DLG2: variants seen among roughly 807,000 people sequenced by gnomAD.
DLG2 encodes disks large homolog 2.
In DLG2, 45 loss-of-function variants were observed where a neutral mutation model predicts 132.5. The ratio of observed to expected loss-of-function variants is 0.34; its 90% CI spans 0.27 to 0.44. DLG2 has a LOEUF of 0.44. Ranked by LOEUF, DLG2 falls within the 20% of genes least tolerant of loss-of-function variation. The pLI, the probability that DLG2 is intolerant of heterozygous loss-of-function variation, is 1.00. For missense variants in DLG2, 1,045 were observed against 1,196.9 expected (o/e 0.87, Z 1.87); for synonymous variants, 424 against 419.6 (o/e 1.01, Z -0.13).
intron 12 of DLG2, among the ~76,000 whole-genome samples, chr11:83,977,678 G>A (rs2092394906): frequency 6.6e-6 from 1 of 152,160 alleles, no homozygotes; most frequent in Non-Finnish European, 1.5e-5. Flanking sequence ...CACAAGCTAG[G>A]TTATTTCTAG....
intron 6 of DLG2, among the ~76,000 whole-genome samples, chr11:84,732,055 A>G (rs2153812670): frequency 6.6e-6 from 1 of 151,968 alleles, no homozygotes; most frequent in African/African-American, 2.4e-5. Context: ...TGGAGTCTGA[A>G]TTTTTTCCAC....
At chr11:85,159,960 T>C (rs193118303) in intron 4 of DLG2, among the ~76,000 whole-genome samples, 124 of 152,356 alleles carry the variant, frequency 8.1e-4, no homozygotes, top group African/African-American at 2.8e-3. Flanking sequence ...ACTGGACTTA[T>C]TGGTGAGACA....
intron 7 of DLG2, among the ~76,000 whole-genome samples, chr11:84,326,296 A>C (rs181969237): frequency 6.6e-4 from 99 of 150,204 alleles, no homozygotes; most frequent in Non-Finnish European, 1.1e-3. Context: ...TCCTTTTTCC[A>C]GTTTCTTGAA....
At chr11:85,604,732 A>C (rs567310111) in intron 2 of DLG2, among the ~76,000 whole-genome samples, 5 of 152,194 alleles carry the variant, frequency 3.3e-5, no homozygotes, top group African/African-American at 1.2e-4. Flanking sequence ...TTTTGCATGA[A>C]ATATGCAACC....
At chr11:85,001,135 C>T (rs765556343) in intron 6 of DLG2, among the ~76,000 whole-genome samples, 11 of 151,952 alleles carry the variant, frequency 7.2e-5, no homozygotes, top group Admixed American at 4.6e-4. Context: ...ACTCTGGCAC[C>T]GAGACTAGAG....
chr11:85,560,664 G>A (rs1402493750), intron 3 of DLG2, among the ~76,000 whole-genome samples: 1 of 151,840 alleles, frequency 6.6e-6, no homozygotes, highest in Non-Finnish European at 1.5e-5. Flanking sequence ...ACTAAAAATT[G>A]TTGAATGATA....
chr11:84,221,935 TTAGA>T (rs754453957), intron 8 of DLG2, among the ~76,000 whole-genome samples: 7 of 152,120 alleles, frequency 4.6e-5, no homozygotes, highest in Non-Finnish European at 1.0e-4. Context: ...TATTATGTTA[TTAGA>T]TAAATTACTA....
At chr11:84,863,024 T>C (rs1268699933) in intron 6 of DLG2, among the ~76,000 whole-genome samples, 1 of 151,990 alleles carries the variant, frequency 6.6e-6, no homozygotes, top group East Asian at 1.9e-4. Context: ...CAACTCTGCT[T>C]GCTATCCTTG....
intron 7 of DLG2, among the ~76,000 whole-genome samples, chr11:84,323,156 C>T (rs537103615): frequency 1.3e-5 from 2 of 152,008 alleles, no homozygotes; most frequent in South Asian, 4.2e-4. Context: ...ACTTTTTCAC[C>T]ATGCATGATT....
At chr11:85,447,056 A>G (rs551449291) in intron 3 of DLG2, among the ~76,000 whole-genome samples, 65 of 152,330 alleles carry the variant, frequency 4.3e-4, no homozygotes, top group African/African-American at 1.5e-3. Context: ...TCAAAAAATC[A>G]TAAATAGAAC....
chr11:85,001,994 T>A (rs1314063286), intron 6 of DLG2, among the ~76,000 whole-genome samples: 9 of 152,176 alleles, frequency 5.9e-5, no homozygotes, highest in Admixed American at 5.9e-4. Context: ...AATGCTGATA[T>A]CCTTTGCCCC....
At chr11:83,546,877 T>A (rs186024227) in intron 19 of DLG2, among the ~76,000 whole-genome samples, 10 of 152,264 alleles carry the variant, frequency 6.6e-5, no homozygotes, top group African/African-American at 2.4e-4. Context: ...ATTAGCCTTG[T>A]ATTATAGAAG....
intron 7 of DLG2, among the ~76,000 whole-genome samples, chr11:84,500,407 T>A (rs1351866499): frequency 6.7e-6 from 1 of 148,450 alleles, no homozygotes; most frequent in African/African-American, 2.5e-5. Context: ...AAAAAATAAA[T>A]CTACTGCTGG....
At chr11:84,313,225 C>T (rs1186881498) in intron 7 of DLG2, among the ~76,000 whole-genome samples, 3 of 152,058 alleles carry the variant, frequency 2.0e-5, no homozygotes, top group Non-Finnish European at 4.4e-5. Flanking sequence ...AAGCAATTCT[C>T]GTGCCTCAGC....
At chr11:83,499,895 A>C (rs4943879) in intron 21 of DLG2, among the ~76,000 whole-genome samples, 69 of 114,522 alleles carry the variant, frequency 6.0e-4, no homozygotes, top group African/African-American at 2.2e-3. Context: ...ATATATATAT[A>C]TATCAGTTCT....
In DLG2 at chr11:84,096,254, TTG is replaced by T. The variant is rs143242289; in HGVS notation, c.749+2667_749+2668del. ...CTTATATGGCTACTGAAGTAGAAGATTGTGTGTGTGTGTGTGTGTGTCTACAT... is the reference window on the plus strand; with the variant it reads ...CTTATATGGCTACTGAAGTAGAAGATTGTGTGTGTGTGTGTGTGTCTACAT... On this transcript the variant is annotated intron_variant, in intron 10 of 27. Coordinates refer to ENST00000376104, the MANE Select transcript of DLG2 (RefSeq NM_001142699.3). Among the ~76,000 whole-genome samples, 14 of 150,206 alleles carry T rather than the reference TTG, an allele frequency of 9.3e-5. No individual in the cohort carries two copies. The East Asian group carries it at 1.2e-3, about 13-fold the overall frequency.
chr11:83,630,453 G>A (rs572630871), intron 19 of DLG2, among the ~76,000 whole-genome samples: 51 of 152,268 alleles, frequency 3.3e-4, no homozygotes, highest in African/African-American at 1.2e-3. Flanking sequence ...CAAAGAAGGT[G>A]CTTGCTTTCT....
At chr11:85,310,475 C>T (rs962028457) in intron 3 of DLG2, among the ~76,000 whole-genome samples, 17 of 152,100 alleles carry the variant, frequency 1.1e-4, no homozygotes, top group African/African-American at 3.6e-4. Flanking sequence ...ATAAGAAGTC[C>T]CAACAAGGGA....
chr11:84,644,429 G>A (rs569770297), intron 6 of DLG2, among the ~76,000 whole-genome samples: 8 of 152,204 alleles, frequency 5.3e-5, no homozygotes, highest in South Asian at 2.1e-4. Flanking sequence ...ATTGGAGGCC[G>A]GGCGCGGTGG....
Sources: allele counts gnomAD v4.1 joint callset (sites outside exome capture counted in the v4.1 genomes callset), GRCh38; gene constraint gnomAD v4.1.1; transcripts MANE v1.5; gene names NCBI Gene and HGNC (gene_info 2026-07-23, HGNC 2026-07-21).